The following BOLL variants were observed in gnomAD, a reference collection of about 807,000 sequenced individuals.
The protein encoded by BOLL is protein boule-like.
In BOLL, 23 loss-of-function variants were observed where a neutral mutation model predicts 44.4. The observed-to-expected ratio is 0.52, with a 90% confidence interval of 0.37 to 0.73. The LOEUF is 0.73. Among genes scored for constraint, BOLL ranks in the 30% least tolerant of loss-of-function variants. The pLI is 0.00. For missense variants in BOLL, 287 were observed against 338.3 expected, an observed-to-expected ratio of 0.85 and a Z score of 1.19; for synonymous variants, 97 against 110.8, an observed-to-expected ratio of 0.88 and a Z score of 0.78.
chr2:197,784,438 A>C (rs1467448079), intron 1 of BOLL, among the ~76,000 whole-genome samples: 3 of 64,792 alleles, frequency 4.6e-5, no homozygotes, highest in Non-Finnish European at 6.2e-5. Flanking sequence ...ATATATATAT[A>C]TATATATATA....
chr2:197,735,344 C>A (rs961733399), intron 10 of BOLL, among the ~76,000 whole-genome samples: 2 of 152,118 alleles, frequency 1.3e-5, no homozygotes, highest in Non-Finnish European at 1.5e-5. Context: ...TTGATAATTT[C>A]CTCCAATGAT....
chr2:197,752,710 T>G (rs1688318113), intron 9 of BOLL, among the ~76,000 whole-genome samples: 1 of 152,186 alleles, frequency 6.6e-6, no homozygotes, highest in African/African-American at 2.4e-5. Flanking sequence ...ATCAATATTG[T>G]GAAAATGGCC....
chr2:197,777,293 T>C (rs1447194172), intron 3 of BOLL, among the ~76,000 whole-genome samples, 180 bp from the exon 4 acceptor site: 1 of 151,832 alleles, frequency 6.6e-6, no homozygotes, highest in African/African-American at 2.4e-5. Context: ...ACTGTCACTT[T>C]TAGTCAGGAA....
chr2:197,752,817 T>C (rs189503715), intron 9 of BOLL, among the ~76,000 whole-genome samples: 131 of 152,270 alleles, frequency 8.6e-4, no homozygotes, highest in African/African-American at 3.0e-3. Context: ...AAATTTCATA[T>C]GGAACCAAAA....
chr2:197,735,239 G>T (rs1559390444), intron 10 of BOLL, among the ~76,000 whole-genome samples: 1 of 152,042 alleles, frequency 6.6e-6, no homozygotes, highest in Non-Finnish European at 1.5e-5. Flanking sequence ...CTTAGTGTGA[G>T]TCTTTTGCAG....
chr2:197,752,373 G>A (rs1688301342), intron 9 of BOLL, among the ~76,000 whole-genome samples: 2 of 152,174 alleles, frequency 1.3e-5, no homozygotes, highest in African/African-American at 4.8e-5. Context: ...TCTGTTTGCA[G>A]ATGACATGAT....
At chr2:197,738,866 T>C (rs1687615864) in intron 10 of BOLL, among the ~76,000 whole-genome samples, 3 of 152,168 alleles carry the variant, frequency 2.0e-5, no homozygotes, top group African/African-American at 7.2e-5. Context: ...TATTTTAATA[T>C]TAGTAATATG....
chr2:197,731,882 C>A (rs1305409735), intron 10 of BOLL, among the ~76,000 whole-genome samples: 3 of 150,320 alleles, frequency 2.0e-5, no homozygotes, highest in Admixed American at 2.0e-4. Flanking sequence ...AAAATTGACA[C>A]CCTAACCTCA....
In BOLL at chr2:197,728,377, AG is replaced by A; in HGVS notation, c.*177del. 9.6e-7 allele frequency: 1 copy of A among 1,044,820 alleles called. No homozygotes were observed. Among genetic ancestry groups the A allele is most frequent in the Non-Finnish European group, 1.4e-6 (1 of 728,380 alleles). The allele number at this position is 1,044,820 out of a possible 1,614,324, so 64.7% of individuals were successfully genotyped here. On this transcript the variant is annotated 3_prime_UTR_variant, in exon 11 of 11. Transcript: ENST00000392296. ...AATAATTTTGTAGAACAGCTGAAAA[AG>A]CAAATTTCATCAAATTTAGACAGCT...
At chr2:197,760,779 G>C (rs1447787267) in intron 7 of BOLL, among the ~76,000 whole-genome samples, 1 of 151,896 alleles carries the variant, frequency 6.6e-6, no homozygotes, top group Non-Finnish European at 1.5e-5. Context: ...GATCCTCTCA[G>C]AGGCACATTA....
intron 3 of BOLL, among the ~76,000 whole-genome samples, chr2:197,777,899 T>C (rs1181301155): frequency 6.6e-6 from 1 of 151,992 alleles, no homozygotes; most frequent in Admixed American, 6.6e-5. Flanking sequence ...ATACAAAGTT[T>C]CTTCTTTTAA....
intron 9 of BOLL, among the ~76,000 whole-genome samples, chr2:197,754,237 T>G (rs1325609408): frequency 6.6e-6 from 1 of 152,166 alleles, no homozygotes; most frequent in Non-Finnish European, 1.5e-5. Flanking sequence ...TATACCTATG[T>G]AACAAACCTG....
At chr2:197,738,514 G>T (rs1574807948) in intron 10 of BOLL, among the ~76,000 whole-genome samples, 1 of 152,308 alleles carries the variant, frequency 6.6e-6, no homozygotes, top group Non-Finnish European at 1.5e-5. Context: ...GACAGAGTAT[G>T]TAGGCTGTGG....
At chr2:197,759,838 T>C (rs1379760985) in intron 7 of BOLL, among the ~76,000 whole-genome samples, 1 of 152,184 alleles carries the variant, frequency 6.6e-6, no homozygotes, top group Non-Finnish European at 1.5e-5. Context: ...CACACCTGCA[T>C]ACAGGGCTGA....
rs757230427 is a variant in BOLL, at chr2:197,771,873, C to T, written c.462G>A (p.Ser154=). ...TACTTACAGGCCAAGGCGGTGGGAC[C>T]GAAGTTACCTCTGGAGTATGAAAAT... ...VAYFHTPEVT[S]VPPPWPSRSV... Residue 154 remains serine (S), a synonymous_variant, in exon 6 of 11, where the codon TCG becomes TCA. Transcript: ENST00000392296. The T allele has an allele frequency of 1.2e-5, 19 of 1,587,372 alleles. No homozygotes were observed. Among genetic ancestry groups the T allele is most frequent in the South Asian group, 2.4e-5 (2 of 84,776 alleles).
At chr2:197,764,523 T>G (rs1213669883) in intron 7 of BOLL, among the ~76,000 whole-genome samples, 1 of 152,138 alleles carries the variant, frequency 6.6e-6, no homozygotes, top group Non-Finnish European at 1.5e-5. Context: ...CAGATATTTT[T>G]GAAAGAAACA....
intron 3 of BOLL, among the ~76,000 whole-genome samples, chr2:197,778,069 T>C (rs1689598028): frequency 6.6e-6 from 1 of 151,924 alleles, no homozygotes; most frequent in African/African-American, 2.4e-5. Context: ...GATTAAAAAA[T>C]GGTATTACCA....
chr2:197,748,523 C>T (rs1574825179), intron 9 of BOLL, among the ~76,000 whole-genome samples: 1 of 152,304 alleles, frequency 6.6e-6, no homozygotes, highest in Non-Finnish European at 1.5e-5. Context: ...CTGAAGTCGA[C>T]CTGGGATGCT....
At chr2:197,766,902 C>A (rs556901500) in intron 6 of BOLL, among the ~76,000 whole-genome samples, 2 of 151,974 alleles carry the variant, frequency 1.3e-5, no homozygotes, top group Non-Finnish European at 1.5e-5. Flanking sequence ...TAAGAGAATA[C>A]TTAGAGGAAA....
Sources: allele counts gnomAD v4.1 joint callset (sites outside exome capture counted in the v4.1 genomes callset), GRCh38; gene constraint gnomAD v4.1.1; transcripts MANE v1.5; gene names NCBI Gene and HGNC (gene_info 2026-07-23, HGNC 2026-07-21).